The following ERN1 variants were observed in gnomAD, a reference collection of about 807,000 sequenced individuals.
The protein encoded by ERN1 is endoplasmic reticulum to nucleus signaling 1, also known as serine/threonine-protein kinase/endoribonuclease IRE1.
In ERN1, 39 loss-of-function variants were observed where a neutral mutation model predicts 113.1. The ratio of observed to expected loss-of-function variants is 0.34; its 90% CI spans 0.27 to 0.45. The LOEUF is 0.45. ERN1 is among the 20% of genes least tolerant of loss of function. The probability of loss-of-function intolerance (pLI) is 1.00; values close to 1 mark genes in which losing one functional copy is unlikely to be tolerated. For synonymous variants in ERN1, 507 were observed against 515.9 expected (o/e 0.98, Z 0.23); for missense variants, 976 against 1,274.8 (o/e 0.77, Z 3.57).
chr17:64,092,423 T>G (rs1374112601), intron 2 of ERN1, among the ~76,000 whole-genome samples: 1 of 152,176 alleles, frequency 6.6e-6, no homozygotes, highest in Non-Finnish European at 1.5e-5. Flanking sequence ...GACTCTTCCC[T>G]CCTAAGAAAT....
intron 1 of ERN1, among the ~76,000 whole-genome samples, chr17:64,128,094 G>C (rs1331249945): frequency 1.3e-5 from 2 of 151,360 alleles, no homozygotes; most frequent in African/African-American, 4.9e-5. Flanking sequence ...TCCCAGGTTC[G>C]GGTGATTCTC....
In ERN1 at chr17:64,065,228, T is replaced by G; in HGVS notation, c.902A>C (p.His301Pro). 6.2e-7 allele frequency: 1 copy of G among 1,608,648 alleles called. No homozygotes were observed. Among genetic ancestry groups the G allele is most frequent in the Non-Finnish European group, 8.5e-7 (1 of 1,177,400 alleles). The change falls in exon 9 of 22, where the codon CAC (histidine) becomes CCC (proline). Residue 301 changes from histidine (H) to proline (P), a missense_variant. This residue lies in a region of ERN1 where 459 missense variants were observed against 581.2 expected (regional missense o/e 0.79). Coordinates refer to ENST00000433197, the MANE Select transcript of ERN1 (RefSeq NM_001433.5). Reference sequence around the variant, plus strand: ...ACTTACCACGACAGCAACCCCCTCGTGTACCATTGAGGGAGAGGCATAGAG... The same window carrying G: ...ACTTACCACGACAGCAACCCCCTCGGGTACCATTGAGGGAGAGGCATAGAG... ...TSLYASPSMV[H>P]EGVAVVPRGS...
chr17:64,073,703 G>T (rs1185910032), intron 5 of ERN1, among the ~76,000 whole-genome samples: 2 of 152,130 alleles, frequency 1.3e-5, no homozygotes, highest in African/African-American at 2.4e-5. Flanking sequence ...GTGTTAGCCA[G>T]GATGGTCTCG....
Position 64,057,823 on chromosome 17 carries a change from G to A in ERN1, c.1377C>T (p.Ala459=), listed in dbSNP as rs1912921324. ...LSTFLLIGWV[A]FIITYPLSMH... ...TTACCAGGGGATAGGTGATGATGAA[G>A]GCCACCCAGCCAATCAGCAGGAAGG... is the stretch of plus-strand genomic sequence containing the variant. The change falls in exon 12 of 22, where the codon GCC becomes GCT. Residue 459 remains alanine (A), a synonymous_variant. Transcript: ENST00000433197. 3 of 1,613,718 alleles carry A rather than the reference G, an allele frequency of 1.9e-6. No individual in the cohort carries two copies. In the African/African-American group the frequency reaches 4.0e-5, roughly 22 times the overall value.
At chr17:64,053,002 T>C (rs1007879791) in intron 16 of ERN1, 23 bp from the exon 17 acceptor site, 3 of 1,565,006 alleles carry the variant, frequency 1.9e-6, no homozygotes, top group Admixed American at 1.8e-5. Flanking sequence ...TCCAGATTAG[T>C]CCAATGCTTA....
At chr17:64,081,324 T>C (rs912486909) in intron 2 of ERN1, among the ~76,000 whole-genome samples, 2 of 152,230 alleles carry the variant, frequency 1.3e-5, no homozygotes, top group African/African-American at 4.8e-5. Flanking sequence ...AGCCTCCAAG[T>C]GTTCATTCCC....
intron 1 of ERN1, among the ~76,000 whole-genome samples, chr17:64,100,403 C>A (rs981062639): frequency 2.0e-5 from 3 of 152,142 alleles, no homozygotes; most frequent in African/African-American, 7.2e-5. Flanking sequence ...CCCAAAGTTA[C>A]CACAGGAATA....
chr17:64,068,679 T>G (rs959262206), intron 6 of ERN1, among the ~76,000 whole-genome samples: 11 of 152,170 alleles, frequency 7.2e-5, no homozygotes, highest in Non-Finnish European at 1.6e-4. Flanking sequence ...CATGTGGCAT[T>G]GACTTTAGGA....
At chr17:64,059,217 T>C (rs1912974790) in intron 11 of ERN1, among the ~76,000 whole-genome samples, 1 of 152,258 alleles carries the variant, frequency 6.6e-6, no homozygotes, top group Non-Finnish European at 1.5e-5. Flanking sequence ...CCAACCTGGC[T>C]ACTTCCGTAG....
chr17:64,129,532 C>T (rs1440781928), intron 1 of ERN1: 3 of 334,018 alleles, frequency 9.0e-6, no homozygotes, highest in Non-Finnish European at 1.6e-5. Flanking sequence ...CAGACCCTTC[C>T]CCTGGATCCC....
intron 5 of ERN1, among the ~76,000 whole-genome samples, chr17:64,073,288 C>A (rs1343946054): frequency 6.6e-6 from 1 of 150,462 alleles, no homozygotes; most frequent in African/African-American, 2.4e-5. Context: ...CCTGCCTCAG[C>A]CTCCTGAGTA....
chr17:64,119,760 C>T (rs751586379), intron 1 of ERN1, among the ~76,000 whole-genome samples: 4 of 152,046 alleles, frequency 2.6e-5, no homozygotes, highest in Non-Finnish European at 5.9e-5. Context: ...ATCCTAACCT[C>T]TCTGTAAAAT....
In ERN1 at chr17:64,064,166, C is replaced by T; in HGVS notation, c.922-15G>A. On this transcript the variant is annotated splice_polypyrimidine_tract_variant and intron_variant, in intron 9 of 21. Transcript: ENST00000433197. ...CTGCCGCGGGGCTGTGGAGAGGGTG[C>T]AGTGAGGGTCAGGAGCCCTGGAGGG... is the stretch of plus-strand genomic sequence containing the variant. 1 of 1,574,756 alleles carries T rather than the reference C, an allele frequency of 6.4e-7. No individual in the cohort carries two copies. Among genetic ancestry groups the T allele is most frequent in the Non-Finnish European group, 8.6e-7 (1 of 1,159,906 alleles).
chr17:64,083,396 TAA>T (rs533099613), intron 2 of ERN1, among the ~76,000 whole-genome samples: 1 of 148,986 alleles, frequency 6.7e-6, no homozygotes, highest in Non-Finnish European at 1.5e-5. Context: ...ATTCTTGCTT[TAA>T]AAAAAAAAGT....
chr17:64,086,315 C>T (rs1913922519), intron 2 of ERN1, among the ~76,000 whole-genome samples: 1 of 152,194 alleles, frequency 6.6e-6, no homozygotes, highest in Non-Finnish European at 1.5e-5. Flanking sequence ...AATCTTGCTC[C>T]AGATAAGTAC....
chr17:64,101,340 G>A (rs910453557), intron 1 of ERN1, among the ~76,000 whole-genome samples: 20 of 152,084 alleles, frequency 1.3e-4, no homozygotes, highest in African/African-American at 4.8e-4. Context: ...AACCCAGGAG[G>A]TGGAGGTTGC....
chr17:64,092,119 G>A (rs1914108269), intron 2 of ERN1, among the ~76,000 whole-genome samples: 2 of 152,160 alleles, frequency 1.3e-5, no homozygotes, highest in Non-Finnish European at 2.9e-5. Flanking sequence ...ATGGTGGTCA[G>A]GAGGCTGCTG....
intron 2 of ERN1, among the ~76,000 whole-genome samples, chr17:64,088,679 A>G (rs1383244720): frequency 6.6e-6 from 1 of 152,192 alleles, no homozygotes. Flanking sequence ...AAGGGAGCTT[A>G]TGGTTTGAGT....
chr17:64,117,668 G>T (rs994682689), intron 1 of ERN1, among the ~76,000 whole-genome samples: 13 of 152,066 alleles, frequency 8.5e-5, no homozygotes, highest in African/African-American at 2.9e-4. Flanking sequence ...TGCAGGAAGG[G>T]ATCTAGTCTA....
Sources: allele counts gnomAD v4.1 joint callset (sites outside exome capture counted in the v4.1 genomes callset), GRCh38; gene constraint gnomAD v4.1.1; regional missense constraint gnomAD v4.1.1; transcripts MANE v1.5; gene names NCBI Gene and HGNC (gene_info 2026-07-23, HGNC 2026-07-21).